Variants in CLUL1 observed in about 807,000 individuals in gnomAD.
CLUL1 encodes clusterin like 1, also known as clusterin-like protein 1.
CLUL1 carries 43 observed loss-of-function variants against 49.4 expected under a neutral mutation model. The ratio of observed to expected loss-of-function variants is 0.87; its 90% CI spans 0.68 to 1.12. The LOEUF (loss-of-function observed/expected upper bound fraction) is 1.12, where lower values mean the gene tolerates loss of function less well. Among genes scored for constraint, CLUL1 ranks in the 50% most tolerant of loss-of-function variants. CLUL1 has a pLI of 0.00. For synonymous variants in CLUL1, 192 were observed against 184.9 expected (o/e 1.04, Z -0.31); for missense variants, 486 against 544.4 (o/e 0.89, Z 1.07).
chr18:630,670 A>ATTTTT (rs2073966993), intron 6 of CLUL1, among the ~76,000 whole-genome samples: 1 of 105,156 alleles, frequency 9.5e-6, no homozygotes, highest in African/African-American at 3.9e-5. Context: ...CCCTACTGAC[A>ATTTTT]TCTTTTTTTT....
rs1234648700 is a variant in CLUL1 at position 627,082 on chromosome 18, T to C, written c.424-15T>C. 1 of 1,542,430 alleles carries C rather than the reference T, an allele frequency of 6.5e-7. No homozygotes were observed. Among genetic ancestry groups the C allele is most frequent in the Admixed American group, 1.7e-5 (1 of 57,666 alleles). On this transcript the variant is annotated splice_polypyrimidine_tract_variant and intron_variant, in intron 5 of 9. Coordinates refer to ENST00000692774, the MANE Select transcript of CLUL1 (RefSeq NM_001393344.1). ...AATTTTTTATTCCATTTCTGTCCCC[T>C]ACTCTACTCCACAGATTGAACGGTT...
chr18:615,860 A>G (rs1025685012), intron 2 of CLUL1, among the ~76,000 whole-genome samples: 1 of 152,096 alleles, frequency 6.6e-6, no homozygotes, highest in African/African-American at 2.4e-5. Context: ...AATGTGTGTC[A>G]CTCTCTGTGC....
chr18:627,278 T>G lies in CLUL1; in HGVS notation c.605T>G (p.Phe202Cys). The G allele has an allele frequency of 1.9e-6, 3 of 1,614,062 alleles. No homozygotes were observed. The highest frequency in any genetic ancestry group is 1.7e-6 in the Non-Finnish European group (2 of 1,179,994). ...CTCTTTAACAGGAGTTTTAACGTCT[T>G]CAGACAGATGCAGCAAGAGTTTGAC... ...NSLFNRSFNV[F>C]RQMQQEFDQT... The change falls in exon 6 of 10, where the codon TTC becomes TGC. Residue 202 changes from phenylalanine (F) to cysteine (C), a missense_variant. Phe to Cys is a radical substitution (Grantham distance 205). Coordinates refer to ENST00000692774, the MANE Select transcript of CLUL1 (RefSeq NM_001393344.1).
intron 2 of CLUL1, among the ~76,000 whole-genome samples, chr18:607,440 A>G (rs1172972543): frequency 6.6e-6 from 1 of 151,466 alleles, no homozygotes; most frequent in Non-Finnish European, 1.5e-5. Flanking sequence ...ATTTTATTTT[A>G]TAATTTTGTT....
At chr18:648,490 T>C (rs1372820631) in intron 9 of CLUL1, among the ~76,000 whole-genome samples, 1 of 152,188 alleles carries the variant, frequency 6.6e-6, no homozygotes, top group Non-Finnish European at 1.5e-5. Flanking sequence ...CTATTATCAT[T>C]TGTTTTCCTT....
In CLUL1 at chr18:627,747, A is replaced by C. The variant is rs186075548; in HGVS notation, c.856+218A>C. 1.8e-4 allele frequency among the ~76,000 whole-genome samples: 27 copies of C among 152,086 alleles called. 1 individual carries two copies. In the East Asian group the frequency reaches 5.2e-3, roughly 29 times the overall value. On this transcript the variant is annotated intron_variant, in intron 6 of 9. Coordinates refer to ENST00000692774, the MANE Select transcript of CLUL1 (RefSeq NM_001393344.1). ...GAGAACTGAACTCTTTCTAGAGCAA[A>C]TTTTCAAAGCAGAAAGAAAAAATGC...
At chr18:633,808 C>A (rs2074058385) in intron 7 of CLUL1, among the ~76,000 whole-genome samples, 1 of 23,946 alleles carries the variant, frequency 4.2e-5, no homozygotes, top group Non-Finnish European at 1.1e-4. Flanking sequence ...CGGAATGAAT[C>A]AGGGCGGAGC....
Position 627,279 on chromosome 18 carries a change from C to T in CLUL1, c.606C>T (p.Phe202=), listed in dbSNP as rs2073837817. The change falls in exon 6 of 10, where the codon TTC becomes TTT. Residue 202 remains phenylalanine (F), a synonymous_variant. Coordinates refer to ENST00000692774, the MANE Select transcript of CLUL1 (RefSeq NM_001393344.1). ...TCTTTAACAGGAGTTTTAACGTCTT[C>T]AGACAGATGCAGCAAGAGTTTGACC... is the stretch of plus-strand genomic sequence containing the variant. ...NSLFNRSFNV[F]RQMQQEFDQT... 1.2e-6 allele frequency: 2 copies of T among 1,613,932 alleles called. No individual in the cohort carries two copies. Among genetic ancestry groups the T allele is most frequent in the East Asian group, 2.2e-5 (1 of 44,850 alleles).
intron 1 of CLUL1, among the ~76,000 whole-genome samples, chr18:603,165 C>T (rs1383208016): frequency 2.0e-5 from 3 of 152,198 alleles, no homozygotes; most frequent in East Asian, 3.9e-4. Context: ...GGACCAGCTA[C>T]ACTGGCATCA....
rs189609423 is a variant in CLUL1 at position 615,181 on chromosome 18, C to G, written c.-13-2807C>G. Among the ~76,000 whole-genome samples the G allele has an allele frequency of 2.7e-3, 407 of 152,208 alleles. 1 individual carries two copies. In the Middle Eastern group the frequency reaches 0.034, roughly 13 times the overall value. ...AATGATGTCATAATTATGAAAGTGA[C>G]CGGATTCACATGAAGTATTGCTTAA... On this transcript the variant is annotated intron_variant, in intron 2 of 9. Coordinates refer to ENST00000692774, the MANE Select transcript of CLUL1 (RefSeq NM_001393344.1).
chr18:613,329 G>A, intron 2 of CLUL1: 1 of 326,500 alleles, frequency 3.1e-6, no homozygotes, highest in Non-Finnish European at 5.5e-6. Flanking sequence ...AGTAAAGATG[G>A]GCTTTCACCA....
chr18:601,465 A>G (rs1230717616), intron 1 of CLUL1, among the ~76,000 whole-genome samples: 1 of 151,956 alleles, frequency 6.6e-6, no homozygotes, highest in Non-Finnish European at 1.5e-5. Context: ...CAATATGGTG[A>G]ATGAAGCCCT....
At chr18:626,863 A>AGAAAGAAAGAAAGAAAG (rs1567966220) in intron 5 of CLUL1, among the ~76,000 whole-genome samples, 2 of 94,016 alleles carry the variant, frequency 2.1e-5, no homozygotes, top group Non-Finnish European at 4.5e-5. Context: ...TCCATCTCAA[A>AGAAAGAAAGAAAGAAAG]TAAGAAAGAA....
At chr18:647,525 C>T (rs1457226366) in intron 9 of CLUL1, among the ~76,000 whole-genome samples, 1 of 152,144 alleles carries the variant, frequency 6.6e-6, no homozygotes, top group Non-Finnish European at 1.5e-5. Flanking sequence ...TGCTTCAGGG[C>T]CCAGCGCTCA....
Position 607,024 on chromosome 18 carries a change from A to T in CLUL1, c.-89A>T, listed in dbSNP as rs62090070. On this transcript the variant is annotated 5_prime_UTR_variant, in exon 2 of 10. Coordinates refer to ENST00000692774, the MANE Select transcript of CLUL1 (RefSeq NM_001393344.1). The stretch of plus-strand genomic sequence containing the variant: ...CAGGCTGGAGTTCAGTGGCATGTTC[A>T]TAGCTCACTGAAGCCTCAAATTCCT... 106,023 of 699,296 alleles carry T rather than the reference A, an allele frequency of 0.15. 10,809 individuals are homozygous for T. Among genetic ancestry groups the T allele is most frequent in the African/African-American group, 0.4 (22,522 of 57,008 alleles). The allele number at this position is 699,296 out of a possible 1,614,324, so 43.3% of individuals were successfully genotyped here. A position where few individuals can be genotyped will look rare whatever the true frequency, so the allele number is the denominator to read the frequency against.
At chr18:615,710 AC>A (rs1429992871) in intron 2 of CLUL1, among the ~76,000 whole-genome samples, 1 of 152,218 alleles carries the variant, frequency 6.6e-6, no homozygotes, top group Non-Finnish European at 1.5e-5. Flanking sequence ...CTCATAAGTG[AC>A]ATTAGGCTGT....
Position 602,739 on chromosome 18 carries a change from G to A in CLUL1, c.-135-4239G>A, listed in dbSNP as rs186918326. Reference sequence around the variant, plus strand: ...CACCATCAAGAGTGCCCATGTAACAGAGATAAGTAAATGCATCTTGAGCTG... The same window carrying A: ...CACCATCAAGAGTGCCCATGTAACAAAGATAAGTAAATGCATCTTGAGCTG... On this transcript the variant is annotated intron_variant, in intron 1 of 9. Transcript: ENST00000692774. 1.1e-3 allele frequency among the ~76,000 whole-genome samples: 175 copies of A among 152,330 alleles called. 3 individuals carry two copies. The highest frequency in any genetic ancestry group is 6.1e-3 in the Admixed American group (93 of 15,308).
chr18:642,156 C>T (rs1189812883), intron 8 of CLUL1, among the ~76,000 whole-genome samples: 1 of 152,162 alleles, frequency 6.6e-6, no homozygotes, highest in African/African-American at 2.4e-5. Context: ...GCCAGCTGGG[C>T]GCAGTGGCTT....
At position 619,272 on chromosome 18, in the gene CLUL1, A is replaced by G. The variant is rs1424381806; in HGVS notation, c.166A>G (p.Ile56Val). 1.2e-6 allele frequency: 2 copies of G among 1,614,092 alleles called. No homozygotes were observed. The highest frequency in any genetic ancestry group is 3.3e-5 in the Admixed American group (2 of 60,024). ...DEEVKKALTG[I>V]KQMKIMMERK... Reference sequence around the variant, plus strand: ...AGAGGTGAAGAAGGCTTTGACTGGTATTAAGCAAATGAAAATCATGATGGA... The same window carrying G: ...AGAGGTGAAGAAGGCTTTGACTGGTGTTAAGCAAATGAAAATCATGATGGA... The change falls in exon 4 of 10, where the codon ATT becomes GTT. Residue 56 changes from isoleucine to valine, a missense_variant. Ile to Val is a conservative substitution (Grantham distance 29). Transcript: ENST00000692774.
Sources: allele counts gnomAD v4.1 joint callset (sites outside exome capture counted in the v4.1 genomes callset), GRCh38; gene constraint gnomAD v4.1.1; transcripts MANE v1.5; gene names NCBI Gene and HGNC (gene_info 2026-07-23, HGNC 2026-07-21).